RAP1GDS1: variants seen among roughly 807,000 people sequenced by gnomAD.
RAP1GDS1 encodes the protein Rap1 GTPase-GDP dissociation stimulator 1, also known as RAP1, GTP-GDP dissociation stimulator 1.
Under a neutral mutation model 71.1 loss-of-function variants are expected in RAP1GDS1, and 35 were observed. The observed-to-expected ratio is 0.49, with a 90% confidence interval of 0.38 to 0.65. The LOEUF (loss-of-function observed/expected upper bound fraction) is 0.65. Among genes scored for constraint, RAP1GDS1 ranks in the 30% least tolerant of loss-of-function variants. RAP1GDS1 has a pLI of 0.00. For synonymous variants in RAP1GDS1, 229 were observed against 243.1 expected, an observed-to-expected ratio of 0.94 and a Z score of 0.54; for missense variants, 663 against 706.1, an observed-to-expected ratio of 0.94 and a Z score of 0.69.
chr4:98,315,761 T>G (rs1250514247), intron 2 of RAP1GDS1, among the ~76,000 whole-genome samples: 1 of 152,092 alleles, frequency 6.6e-6, no homozygotes, highest in Non-Finnish European at 1.5e-5. Context: ...AAAATCAGAT[T>G]GGTGTTTTAA....
chr4:98,398,451 A>T (rs890735012), intron 6 of RAP1GDS1, among the ~76,000 whole-genome samples: 2 of 152,172 alleles, frequency 1.3e-5, no homozygotes, highest in Non-Finnish European at 2.9e-5. Flanking sequence ...AGGACAAAGA[A>T]CATCTTACAA....
intron 14 of RAP1GDS1, among the ~76,000 whole-genome samples, chr4:98,437,605 G>A (rs537973100): frequency 4.0e-5 from 6 of 151,858 alleles, no homozygotes; most frequent in Admixed American, 2.0e-4. Context: ...CCAGCCTGGC[G>A]AACATGGTGA....
chr4:98,289,709 G>T (rs1256445942), intron 1 of RAP1GDS1, among the ~76,000 whole-genome samples: 1 of 151,976 alleles, frequency 6.6e-6, no homozygotes, highest in Non-Finnish European at 1.5e-5. Context: ...TTTAAAAATA[G>T]CTTCATTCTG....
chr4:98,424,528 A>G (rs1378797845), intron 12 of RAP1GDS1, among the ~76,000 whole-genome samples: 1 of 152,290 alleles, frequency 6.6e-6, no homozygotes, highest in East Asian at 1.9e-4. Context: ...TTGGGAGGCC[A>G]AGGTAGGTGG....
intron 6 of RAP1GDS1, among the ~76,000 whole-genome samples, chr4:98,393,712 A>T (rs1159931144): frequency 6.6e-6 from 1 of 152,202 alleles, no homozygotes; most frequent in Non-Finnish European, 1.5e-5. Flanking sequence ...CTTAATGGGC[A>T]TTGAAATATG....
At chr4:98,286,357 C>T (rs879665759) in intron 1 of RAP1GDS1, among the ~76,000 whole-genome samples, 1 of 151,696 alleles carries the variant, frequency 6.6e-6, no homozygotes, top group African/African-American at 2.4e-5. Context: ...ATTAGGCTCT[C>T]TCTGTGTAGA....
intron 4 of RAP1GDS1, among the ~76,000 whole-genome samples, chr4:98,356,813 C>G (rs1016011300): frequency 6.6e-6 from 1 of 151,766 alleles, no homozygotes; most frequent in African/African-American, 2.4e-5. Context: ...ATCAGTCTTG[C>G]CAAAGCCAGT....
chr4:98,278,213 T>A (rs72892359), intron 1 of RAP1GDS1, among the ~76,000 whole-genome samples: 2,948 of 152,080 alleles, frequency 0.019, 104 homozygotes, highest in African/African-American at 0.067. Context: ...AAATAAAAAA[T>A]GTACAATACC....
chr4:98,317,363 G>C (rs1464891271), intron 2 of RAP1GDS1, among the ~76,000 whole-genome samples: 1 of 152,114 alleles, frequency 6.6e-6, no homozygotes, highest in Non-Finnish European at 1.5e-5. Flanking sequence ...CCGCACTCAT[G>C]TTAGGCTGCT....
intron 4 of RAP1GDS1, among the ~76,000 whole-genome samples, chr4:98,376,859 G>A (rs963576000): frequency 1.3e-5 from 2 of 151,968 alleles, no homozygotes; most frequent in Non-Finnish European, 2.9e-5. Flanking sequence ...GGTGGAAGGA[G>A]AGGAGGAGAA....
intron 6 of RAP1GDS1, among the ~76,000 whole-genome samples, chr4:98,401,636 G>C (rs1745423168): frequency 6.7e-6 from 1 of 149,472 alleles, no homozygotes; most frequent in South Asian, 2.1e-4. Flanking sequence ...TAAAACCTTA[G>C]TAAATGAGGC....
At chr4:98,357,429 C>T (rs2110433912) in intron 4 of RAP1GDS1, among the ~76,000 whole-genome samples, 1 of 151,992 alleles carries the variant, frequency 6.6e-6, no homozygotes, top group East Asian at 1.9e-4. Flanking sequence ...GTTACTGCTA[C>T]TTTTAGAGAT....
intron 1 of RAP1GDS1, among the ~76,000 whole-genome samples, chr4:98,285,894 A>G (rs1364617046): frequency 1.4e-5 from 2 of 138,692 alleles, no homozygotes; most frequent in Non-Finnish European, 3.0e-5. Context: ...ATAATTGTAA[A>G]TAAACATTAT....
chr4:98,378,061 G>T (rs996782839), intron 4 of RAP1GDS1, among the ~76,000 whole-genome samples: 5 of 151,816 alleles, frequency 3.3e-5, no homozygotes, highest in Admixed American at 6.6e-5. Flanking sequence ...ATTTTCACCT[G>T]TTTTTTAATG....
chr4:98,426,995 A>G (rs1749710677), intron 12 of RAP1GDS1, among the ~76,000 whole-genome samples: 1 of 152,178 alleles, frequency 6.6e-6, no homozygotes, highest in Admixed American at 6.5e-5. Flanking sequence ...ACCAAATCCA[A>G]CAACATATCA....
At chr4:98,295,603 T>C (rs2110284754) in intron 2 of RAP1GDS1, among the ~76,000 whole-genome samples, 1 of 152,220 alleles carries the variant, frequency 6.6e-6, no homozygotes, top group Non-Finnish European at 1.5e-5. Flanking sequence ...CTTATTTGCC[T>C]TGCTCTGGAA....
chr4:98,297,115 C>A, intron 2 of RAP1GDS1: 1 of 160,538 alleles, frequency 6.2e-6, no homozygotes, highest in Non-Finnish European at 1.4e-5. Flanking sequence ...TAGAACAACT[C>A]TGTGAGATAC....
chr4:98,361,137 C>G (rs1166734649), intron 4 of RAP1GDS1, among the ~76,000 whole-genome samples: 1 of 150,474 alleles, frequency 6.6e-6, no homozygotes, highest in Non-Finnish European at 1.5e-5. Context: ...AATGTTTTTA[C>G]CCGTTGAGAA....
At chr4:98,295,021 A>G (rs886644895) in intron 2 of RAP1GDS1, among the ~76,000 whole-genome samples, 1 of 152,086 alleles carries the variant, frequency 6.6e-6, no homozygotes, top group Non-Finnish European at 1.5e-5. Context: ...GAAGGGTCAT[A>G]TTCTTGGTCA....
Sources: gnomAD v4.1 joint callset for allele counts (sites outside exome capture counted in the v4.1 genomes callset) on GRCh38, gnomAD v4.1.1 for gene constraint, MANE v1.5 for transcripts, NCBI Gene and HGNC (gene_info 2026-07-23, HGNC 2026-07-21) for gene names.